KCTD19: variants seen among roughly 807,000 people sequenced by gnomAD.
KCTD19 encodes the protein potassium channel tetramerization domain containing 19.
KCTD19 carries 67 observed loss-of-function variants against 103.5 expected under a neutral mutation model. The observed-to-expected ratio is 0.65, with a 90% CI of 0.53 to 0.79. The LOEUF is 0.79. Among genes scored for constraint, KCTD19 ranks in the 30% least tolerant of loss-of-function variants. The pLI is 0.00. For synonymous variants in KCTD19, 439 were observed against 452.2 expected (o/e 0.97, Z 0.37); for missense variants, 980 against 1,136.1 (o/e 0.86, Z 1.98).
Position 67,293,628 on chromosome 16 carries a change from GC to G in KCTD19, c.2133del (p.Pro712GlnfsTer17), listed in dbSNP as rs2036725790. ...AGAGAGAKDK[G>X]PEPTFKPYLP... ...AAGTATGGCTTGAAGGTTGGCTCTG[GC>G]CCCTTGTCTTTCGCTCCAGCTCCAG... On this transcript the variant is annotated frameshift_variant, in exon 12 of 16. Transcript: ENST00000304372. LOFTEE classifies it high-confidence loss of function. This position sits in a 1 kb window ranked among gnomAD's most constrained non-coding sequence, Gnocchi z 4.0. 6.2e-7 allele frequency: 1 copy of G among 1,613,810 alleles called. No individual in the cohort carries two copies. Among genetic ancestry groups the G allele is most frequent in the Admixed American group, 1.7e-5 (1 of 59,964 alleles).
chr16:67,301,811 C>T lies in KCTD19; in HGVS notation c.755G>A (p.Arg252Lys). 6.2e-7 allele frequency: 1 copy of T among 1,614,180 alleles called. No individual in the cohort carries two copies. Among genetic ancestry groups the T allele is most frequent in the South Asian group, 1.1e-5 (1 of 91,082 alleles). Residue 252 changes from arginine to lysine, a missense_variant, in exon 5 of 16, where the codon AGG (arginine) becomes AAG (lysine). Arg to Lys is a conservative substitution (Grantham distance 26). Coordinates refer to ENST00000304372, the MANE Select transcript of KCTD19 (RefSeq NM_001100915.3). ...CATACCCATGTTCATCCGGTACCAC[C>T]TTACGGCTTCAGTGAGTGCAGGGAT... ...LEIPALTEAV[R>K]WYRMNMGGCS...
At position 67,323,547 on chromosome 16, in the gene KCTD19, T is replaced by G. The variant is rs772626490; in HGVS notation, c.4-2662A>C. 6.6e-6 allele frequency among the ~76,000 whole-genome samples: 1 copy of G among 151,960 alleles called. No homozygotes were observed. The highest frequency in any genetic ancestry group is 2.4e-5 in the African/African-American group (1 of 41,408). ...TAAAAAAATAAAAAATAAAAAGGAATGAAGTACTGATACATGATAACAACA... is the reference window on the plus strand; with the variant it reads ...TAAAAAAATAAAAAATAAAAAGGAAGGAAGTACTGATACATGATAACAACA... On this transcript the variant is annotated intron_variant, in intron 1 of 15. Coordinates refer to ENST00000304372, the MANE Select transcript of KCTD19 (RefSeq NM_001100915.3). The surrounding 1 kb of genome is among the most constrained non-coding windows in gnomAD (Gnocchi z 4.1).
intron 2 of KCTD19, among the ~76,000 whole-genome samples, chr16:67,319,688 T>TATAATAATAATAATA (rs34930442): frequency 6.1e-5 from 9 of 148,254 alleles, no homozygotes; most frequent in South Asian, 4.2e-4. Flanking sequence ...TTAAAGCTCT[T>TATAATAATAATAATA]ATAATAATAA....
intron 2 of KCTD19, among the ~76,000 whole-genome samples, chr16:67,310,069 G>C (rs2036934250): frequency 6.6e-6 from 1 of 152,226 alleles, no homozygotes. Context: ...CAACAAGGCT[G>C]TTTCCCGAAC....
In KCTD19 at chr16:67,320,592, C is replaced by T. The variant is rs763519582; in HGVS notation, c.297G>A (p.Leu99=). The change falls in exon 2 of 16, where the codon CTG becomes CTA. Residue 99 remains leucine, a synonymous_variant. Coordinates refer to ENST00000304372, the MANE Select transcript of KCTD19 (RefSeq NM_001100915.3). The surrounding 1 kb of genome is among the most constrained non-coding windows in gnomAD (Gnocchi z 4.0). The part of the protein sequence containing the change: ...QALGLQLMPL[L]QTLDNLKEGK... The stretch of plus-strand genomic sequence containing the variant: ...CCAGAAAACAAGAGCATCTTACCTG[C>T]AGCAAAGGCATCAGCTGCAAACCCA... 6.2e-7 allele frequency: 1 copy of T among 1,613,072 alleles called. No homozygotes were observed. Among genetic ancestry groups the T allele is most frequent in the South Asian group, 1.1e-5 (1 of 91,010 alleles).
Position 67,303,484 on chromosome 16 carries a change from T to A in KCTD19, c.452-147A>T. ...TTGCCACTTGCCAGACACATCTTCC[T>A]TCTTTATCTTTTCAGTTGTAGCCCT... On this transcript the variant is annotated intron_variant, in intron 3 of 15. Coordinates refer to ENST00000304372, the MANE Select transcript of KCTD19 (RefSeq NM_001100915.3). The surrounding 1 kb of genome is among the most constrained non-coding windows in gnomAD (Gnocchi z 4.3). The A allele has an allele frequency of 8.4e-6, 5 of 598,226 alleles. No individual in the cohort carries two copies. The South Asian group carries it at 1.2e-4, about 14-fold the overall frequency. The allele number at this position is 598,226 out of a possible 1,614,324, so 37.1% of individuals were successfully genotyped here. A position where few individuals can be genotyped will look rare whatever the true frequency, so the allele number is the denominator to read the frequency against.
rs753786814 is a variant in KCTD19 at position 67,289,539 on chromosome 16, G to C, written c.*30C>G. The C allele has an allele frequency of 4.5e-6, 6 of 1,329,858 alleles. No homozygotes were observed. In the South Asian group the frequency reaches 7.1e-5, roughly 16 times the overall value. The allele number at this position is 1,329,858 out of a possible 1,614,324, so 82.4% of individuals were successfully genotyped here. A position where few individuals can be genotyped will look rare whatever the true frequency, so the allele number is the denominator to read the frequency against. On this transcript the variant is annotated 3_prime_UTR_variant, in exon 16 of 16. Transcript: ENST00000304372. ...CCAATTAAAATGAGACTTGGCGGGTGGGGCATGAGGGGCTGCATCTCTGGG... is the reference window on the plus strand; with the variant it reads ...CCAATTAAAATGAGACTTGGCGGGTCGGGCATGAGGGGCTGCATCTCTGGG...
chr16:67,303,111 C>CGGGGGGG lies in KCTD19; in HGVS notation c.643+34_643+35insCCCCCCC. On this transcript the variant is annotated intron_variant, in intron 4 of 15. Coordinates refer to ENST00000304372, the MANE Select transcript of KCTD19 (RefSeq NM_001100915.3). The surrounding 1 kb of genome is among the most constrained non-coding windows in gnomAD (Gnocchi z 4.3). ...GGGAGGGGTGAATGGGCCCTATCAG[C>CGGGGGGG]CCGCCCCCCACCCCACCCCGGACAG... The CGGGGGGG allele has an allele frequency of 2.3e-6, 1 of 435,808 alleles. No homozygotes were observed. The highest frequency in any genetic ancestry group is 2.3e-5 in the African/African-American group (1 of 44,306). The allele number at this position is 435,808 out of a possible 1,614,324, so 27.0% of individuals were successfully genotyped here. A position where few individuals can be genotyped will look rare whatever the true frequency, so the allele number is the denominator to read the frequency against.
In KCTD19 at chr16:67,320,454, T is replaced by C. The variant is rs140712192; in HGVS notation, c.300+135A>G. 365 of 841,476 alleles carry C rather than the reference T, an allele frequency of 4.3e-4. 3 individuals carry two copies. The African/African-American group carries it at 5.6e-3, about 13-fold the overall frequency. The allele number at this position is 841,476 out of a possible 1,614,324, so 52.1% of individuals were successfully genotyped here. Reference sequence around the variant, plus strand: ...CCCCTATACTAATGAGGAAATTATTTATTACTTTAACACACTTATTACATT... The same window carrying C: ...CCCCTATACTAATGAGGAAATTATTCATTACTTTAACACACTTATTACATT... On this transcript the variant is annotated intron_variant, in intron 2 of 15. Coordinates refer to ENST00000304372, the MANE Select transcript of KCTD19 (RefSeq NM_001100915.3). The surrounding 1 kb of genome is among the most constrained non-coding windows in gnomAD (Gnocchi z 4.0).
At chr16:67,310,986 A>ACCC in intron 2 of KCTD19, among the ~76,000 whole-genome samples, 1 of 152,248 alleles carries the variant, frequency 6.6e-6, no homozygotes, top group East Asian at 1.9e-4. Flanking sequence ...TTTAAAACCT[A>ACCC]CCCCTTCACT....
At position 67,293,863 on chromosome 16, in the gene KCTD19, T is replaced by C; in HGVS notation, c.1899A>G (p.Gln633=). 6.2e-7 allele frequency: 1 copy of C among 1,614,146 alleles called. No individual in the cohort carries two copies. The highest frequency in any genetic ancestry group is 8.5e-7 in the Non-Finnish European group (1 of 1,180,038). Residue 633 remains glutamine (Q), a synonymous_variant, in exon 12 of 16, where the codon CAA becomes CAG. Coordinates refer to ENST00000304372, the MANE Select transcript of KCTD19 (RefSeq NM_001100915.3). The surrounding 1 kb of genome is among the most constrained non-coding windows in gnomAD (Gnocchi z 4.0). ...ETKDPPATPM[Q]KLISLVREWD... ...ATTCTCTCACCAGGGAGATGAGTTT[T>C]TGCATGGGAGTGGCGGGAGGGTCTT...
intron 6 of KCTD19, among the ~76,000 whole-genome samples, chr16:67,299,098 G>A (rs1482924227): frequency 2.0e-5 from 3 of 152,270 alleles, no homozygotes; most frequent in African/African-American, 4.8e-5. Flanking sequence ...CTAGAACCAG[G>A]GAAATGGACT....
chr16:67,315,160 A>T (rs1370800552), intron 2 of KCTD19, among the ~76,000 whole-genome samples: 2 of 151,462 alleles, frequency 1.3e-5, no homozygotes, highest in Non-Finnish European at 2.9e-5. Flanking sequence ...CTGTGTCTTC[A>T]CCATGGCTTT....
Position 67,289,580 on chromosome 16 carries a change from G to T in KCTD19, c.2770C>A (p.Gln924Lys), listed in dbSNP as rs1347767625. 6.2e-7 allele frequency: 1 copy of T among 1,610,990 alleles called. No individual in the cohort carries two copies. The highest frequency in any genetic ancestry group is 1.7e-5 in the Admixed American group (1 of 60,020). ...VSYSILGKYLQED is the reference protein window; with the variant it reads ...VSYSILGKYLKED ...CATCTCTGGGCACCCTAGTCCTCTTGTAGGTACTTTCCCAGGATGGAGTAA... is the reference window on the plus strand; with the variant it reads ...CATCTCTGGGCACCCTAGTCCTCTTTTAGGTACTTTCCCAGGATGGAGTAA... Residue 924 changes from glutamine (Q) to lysine (K), a missense_variant, in exon 16 of 16, where the codon CAA (glutamine) becomes AAA (lysine). Coordinates refer to ENST00000304372, the MANE Select transcript of KCTD19 (RefSeq NM_001100915.3).
rs1265190881 is a variant in KCTD19, at chr16:67,291,427, T to G, written c.2447A>C (p.Glu816Ala). Residue 816 changes from glutamate to alanine, a missense_variant, in exon 14 of 16, where the codon GAG becomes GCG. Transcript: ENST00000304372. ...GTGACATTTCTGTGCATAAAACATCTCTTCCCAGGACAGAGAGAAACTCAG... is the reference window on the plus strand; with the variant it reads ...GTGACATTTCTGTGCATAAAACATCGCTTCCCAGGACAGAGAGAAACTCAG... ...TFLSFSLSWEEMFYAQKCHCF... is the reference protein window; with the variant it reads ...TFLSFSLSWEAMFYAQKCHCF... 6.2e-7 allele frequency: 1 copy of G among 1,614,048 alleles called. No individual in the cohort carries two copies. The highest frequency in any genetic ancestry group is 1.7e-5 in the Admixed American group (1 of 59,996).
chr16:67,291,533 G>C lies in KCTD19; in HGVS notation c.2411-70C>G, dbSNP rs118132254. On this transcript the variant is annotated intron_variant, in intron 13 of 15. Coordinates refer to ENST00000304372, the MANE Select transcript of KCTD19 (RefSeq NM_001100915.3). ...AGGGCCTTAGAGACAGTGTGAGGAG[G>C]GGGAGAGGGGTAGGGCCCCCAGGGG... is the stretch of plus-strand genomic sequence containing the variant. The C allele has an allele frequency of 5.4e-4, 855 of 1,575,434 alleles. 13 individuals carry two copies. The East Asian group carries it at 0.019, about 35-fold the overall frequency.
chr16:67,309,432 G>T (rs1305459087), intron 2 of KCTD19, among the ~76,000 whole-genome samples: 1 of 152,206 alleles, frequency 6.6e-6, no homozygotes, highest in East Asian at 1.9e-4. Flanking sequence ...AGGGATGAAG[G>T]AGAGGGAGAG....
intron 12 of KCTD19, among the ~76,000 whole-genome samples, chr16:67,292,218 T>G (rs2036707427): frequency 6.6e-6 from 1 of 152,156 alleles, no homozygotes; most frequent in Non-Finnish European, 1.5e-5. Flanking sequence ...GGGACTCTCC[T>G]TAAGCCACCT....
At chr16:67,308,936 G>A (rs1048561880) in intron 2 of KCTD19, among the ~76,000 whole-genome samples, 1 of 151,928 alleles carries the variant, frequency 6.6e-6, no homozygotes, top group East Asian at 1.9e-4. Context: ...AGTTTGAGAC[G>A]AGCCTGGCCA....
Sources: gnomAD v4.1 joint callset for allele counts (sites outside exome capture counted in the v4.1 genomes callset) on GRCh38, gnomAD v4.1.1 for gene constraint, Gnocchi (gnomAD v3.1) non-coding constraint, MANE v1.5 for transcripts, NCBI Gene and HGNC (gene_info 2026-07-23, HGNC 2026-07-21) for gene names.